SLC2A9: variants seen among roughly 807,000 people sequenced by gnomAD.
The protein encoded by SLC2A9 is solute carrier family 2, facilitated glucose transporter member 9.
In SLC2A9, 39 loss-of-function variants were observed where a neutral mutation model predicts 50.6. The observed-to-expected ratio is 0.77, with a 90% CI of 0.60 to 1.01. The LOEUF (loss-of-function observed/expected upper bound fraction) is 1.01, where lower values mean the gene tolerates loss of function less well. Ranked by LOEUF, SLC2A9 falls within the 50% of genes least tolerant of loss-of-function variation. The pLI is 0.00. For synonymous variants in SLC2A9, 324 were observed against 276.9 expected, an observed-to-expected ratio of 1.17 and a Z score of -1.69; for missense variants, 686 against 677.6, an observed-to-expected ratio of 1.01 and a Z score of -0.14.
intron 3 of SLC2A9, among the ~76,000 whole-genome samples, chr4:9,820,205 C>A (rs1207023033): frequency 6.6e-6 from 1 of 152,100 alleles, no homozygotes. Flanking sequence ...TTTTCTTAAA[C>A]TATTTCAGAA....
At chr4:9,920,226 T>A (rs1743660224) in intron 7 of SLC2A9, among the ~76,000 whole-genome samples, 159 bp downstream of exon 7, 1 of 152,238 alleles carries the variant, frequency 6.6e-6, no homozygotes, top group South Asian at 2.1e-4. Flanking sequence ...ATGAGGAAAC[T>A]GAGGATCAGT....
At chr4:9,911,399 A>G (rs1331171535) in intron 7 of SLC2A9, among the ~76,000 whole-genome samples, 2 of 152,054 alleles carry the variant, frequency 1.3e-5, no homozygotes, top group Non-Finnish European at 2.9e-5. Context: ...CTTCAGCTTT[A>G]CCTCTGCTCA....
intron 3 of SLC2A9, chr4:9,783,369 G>A: frequency 6.2e-7 from 1 of 1,614,226 alleles, no homozygotes; most frequent in Non-Finnish European, 8.5e-7. Flanking sequence ...TCCCCAGATG[G>A]TGACCCTGTT....
chr4:10,024,049 C>T (rs1403782786), upstream of SLC2A9, among the ~76,000 whole-genome samples: 1 of 152,210 alleles, frequency 6.6e-6, no homozygotes, highest in African/African-American at 2.4e-5. Flanking sequence ...CCTACTCATT[C>T]AGGTTCTCCT....
chr4:9,870,323 T>C (rs1196541989), intron 10 of SLC2A9, among the ~76,000 whole-genome samples: 1 of 152,216 alleles, frequency 6.6e-6, no homozygotes, highest in Admixed American at 6.5e-5. Context: ...GACAAATTCC[T>C]CAGCTGGATT....
intron 10 of SLC2A9, chr4:9,879,665 G>A: frequency 2.0e-6 from 2 of 985,318 alleles, no homozygotes; most frequent in East Asian, 1.1e-4. Context: ...TGGCCTTACC[G>A]CTCCATCTTG....
intron 2 of SLC2A9, among the ~76,000 whole-genome samples, chr4:9,999,880 G>T (rs951922394): frequency 7.9e-5 from 12 of 152,272 alleles, no homozygotes; most frequent in African/African-American, 2.9e-4. Context: ...ACTAAGCAAT[G>T]GAAATGGACA....
At chr4:9,877,061 G>A (rs139865730) in intron 10 of SLC2A9, among the ~76,000 whole-genome samples, 38 of 152,146 alleles carry the variant, frequency 2.5e-4, no homozygotes, top group East Asian at 5.8e-4. Flanking sequence ...TGCTTGGTCC[G>A]GAGGATTAGA....
intron 5 of SLC2A9, among the ~76,000 whole-genome samples, chr4:9,967,704 A>C (rs1044975734): frequency 1.3e-5 from 2 of 152,108 alleles, no homozygotes; most frequent in East Asian, 3.9e-4. Flanking sequence ...GGGAATAAAG[A>C]TATATTTCTG....
chr4:9,931,838 G>A (rs992356526), intron 6 of SLC2A9, among the ~76,000 whole-genome samples: 8 of 148,950 alleles, frequency 5.4e-5, no homozygotes, highest in South Asian at 2.2e-4. Flanking sequence ...AGACAGACAC[G>A]ACTCACTACC....
In SLC2A9 at chr4:9,931,952, CTCTCTCTCTCTATA is replaced by C. The variant is rs1446142913; in HGVS notation, c.814+9947_814+9960del. Among the ~76,000 whole-genome samples, 33 of 57,232 alleles carry C rather than the reference CTCTCTCTCTCTATA, an allele frequency of 5.8e-4. 1 individual carries two copies. The highest frequency in any genetic ancestry group is 1.5e-3 in the East Asian group (2 of 1,378). The allele number at this position is 57,232 out of a possible 152,430, so 37.5% of individuals were successfully genotyped here. Reference sequence around the variant, plus strand: ...TCTCTCTCTCTCTCTCTCTCTCTCTCTCTCTCTCTCTATATATATATATATATATATATATATAT... The same window carrying C: ...TCTCTCTCTCTCTCTCTCTCTCTCTCTATATATATATATATATATATATAT... On this transcript the variant is annotated intron_variant, in intron 6 of 11. Coordinates refer to ENST00000264784, the MANE Select transcript of SLC2A9 (RefSeq NM_020041.3).
chr4:9,811,180 C>T (rs1301111615), intron 3 of SLC2A9, among the ~76,000 whole-genome samples: 5 of 152,166 alleles, frequency 3.3e-5, no homozygotes, highest in East Asian at 3.9e-4. Flanking sequence ...TACAAATCTT[C>T]GTGAGATTGA....
downstream of SLC2A9, among the ~76,000 whole-genome samples, chr4:9,778,580 C>A (rs562675095): frequency 1.5e-3 from 226 of 152,326 alleles, no homozygotes; most frequent in South Asian, 0.012. Flanking sequence ...CCTCTCCCCA[C>A]TTCTCTGCTC....
At chr4:9,987,339 C>T (rs1756904018) in intron 3 of SLC2A9, among the ~76,000 whole-genome samples, 1 of 152,106 alleles carries the variant, frequency 6.6e-6, no homozygotes, top group Non-Finnish European at 1.5e-5. Context: ...AGGATGGTCT[C>T]AAACTTCTGA....
intron 3 of SLC2A9, among the ~76,000 whole-genome samples, chr4:9,785,247 T>C (rs1719072017): frequency 6.6e-6 from 1 of 152,208 alleles, no homozygotes. Flanking sequence ...ACTAGATCAC[T>C]GTTTACCCAA....
intron 8 of SLC2A9, among the ~76,000 whole-genome samples, chr4:9,898,325 G>A (rs1408081069): frequency 1.3e-5 from 2 of 152,182 alleles, no homozygotes; most frequent in African/African-American, 4.8e-5. Flanking sequence ...TTTTAAAAAG[G>A]AAGAGCTGGA....
At chr4:9,857,958 G>A (rs1730989383) in intron 10 of SLC2A9, among the ~76,000 whole-genome samples, 1 of 152,114 alleles carries the variant, frequency 6.6e-6, no homozygotes, top group African/African-American at 2.4e-5. Flanking sequence ...GGTACCTAGG[G>A]GAACAAACTT....
intron 3 of SLC2A9, among the ~76,000 whole-genome samples, chr4:9,989,741 G>A (rs945923586): frequency 1.3e-5 from 2 of 151,872 alleles, no homozygotes; most frequent in Non-Finnish European, 2.9e-5. Context: ...CTCAACCCTC[G>A]CCTGCAAAGT....
rs144132215 is a variant in SLC2A9, at chr4:9,782,597, G to T, written n.386-2532C>A. 3.1e-6 allele frequency: 5 copies of T among 1,613,942 alleles called. No homozygotes were observed. In the Admixed American group the frequency reaches 8.3e-5, roughly 27 times the overall value. ...CAGGGACCAGGCGGCCTCTTGGGGC[G>T]GGCTGGACCTGCCAAACAACCTGGC... On this transcript the variant is annotated intron_variant and non_coding_transcript_variant, in intron 3 of 3. Coordinates refer to the SLC2A9 transcript ENST00000503803.
Sources: gnomAD v4.1 joint callset for allele counts (sites outside exome capture counted in the v4.1 genomes callset) on GRCh38, gnomAD v4.1.1 for gene constraint, MANE v1.5 for transcripts, NCBI Gene and HGNC (gene_info 2026-07-23, HGNC 2026-07-21) for gene names.